The following GRIK4 variants were observed in gnomAD, a reference collection of about 807,000 sequenced individuals.
The protein encoded by GRIK4 is glutamate receptor ionotropic, kainate 4.
In GRIK4, 40 loss-of-function variants were observed where a neutral mutation model predicts 104.9. That is an observed-to-expected ratio of 0.38 (90% confidence interval 0.30 to 0.50). The LOEUF is 0.50. Ranked by LOEUF, GRIK4 falls within the 20% of genes least tolerant of loss-of-function variation. GRIK4 has a pLI of 0.93. For synonymous variants in GRIK4, 485 were observed against 524.9 expected, an observed-to-expected ratio of 0.92 and a Z score of 1.04; for missense variants, 1,047 against 1,308.1, an observed-to-expected ratio of 0.80 and a Z score of 3.08.
chr11:120,773,218 T>G (rs1287448807), intron 3 of GRIK4, among the ~76,000 whole-genome samples: 1 of 152,186 alleles, frequency 6.6e-6, no homozygotes. Context: ...CTAGTCAGCC[T>G]GTGGTCTGAA....
intron 3 of GRIK4, among the ~76,000 whole-genome samples, chr11:120,791,520 G>T (rs1352632286): frequency 1.3e-5 from 2 of 152,166 alleles, no homozygotes; most frequent in Non-Finnish European, 2.9e-5. Context: ...CCTTTATCCA[G>T]CATGTGCTTT....
chr11:120,854,797 A>G (rs1225849389), intron 8 of GRIK4, among the ~76,000 whole-genome samples: 4 of 152,116 alleles, frequency 2.6e-5, no homozygotes, highest in Non-Finnish European at 5.9e-5. Flanking sequence ...TATTTCCCCC[A>G]TTTTAAAATG....
intron 18 of GRIK4, among the ~76,000 whole-genome samples, chr11:120,966,580 C>T (rs1944387969): frequency 6.6e-6 from 1 of 152,158 alleles, no homozygotes; most frequent in Non-Finnish European, 1.5e-5. Context: ...CCATATTGGC[C>T]AGGCTGGTCT....
At chr11:120,881,774 C>A (rs1398267497) in intron 11 of GRIK4, among the ~76,000 whole-genome samples, 1 of 152,196 alleles carries the variant, frequency 6.6e-6, no homozygotes, top group Admixed American at 6.5e-5. Flanking sequence ...AGCTCTGCCC[C>A]CTTTCCGGGG....
rs1380327038 is a variant in GRIK4, at chr11:120,988,716, ACT to A, written c.*2459_*2460del. On this transcript the variant is annotated 3_prime_UTR_variant, in exon 21 of 21. Transcript: ENST00000527524. ...TTTTCCATTCTGTATTTTCTATCTGACTCTGTATACTGTATAAAGCAGTTTTT... is the reference window on the plus strand; with the variant it reads ...TTTTCCATTCTGTATTTTCTATCTGACTGTATACTGTATAAAGCAGTTTTT... 6.6e-6 allele frequency: 1 copy of A among 151,644 alleles called. No homozygotes were observed. Among genetic ancestry groups the A allele is most frequent in the Non-Finnish European group, 1.5e-5 (1 of 67,944 alleles). The allele number at this position is 151,644 out of a possible 1,614,324, so 9.4% of individuals were successfully genotyped here.
intron 3 of GRIK4, among the ~76,000 whole-genome samples, chr11:120,713,306 A>G (rs1410641218): frequency 2.0e-5 from 3 of 152,122 alleles, no homozygotes; most frequent in African/African-American, 7.2e-5. Flanking sequence ...TGACATGCTA[A>G]GCACACCCCC....
chr11:120,556,298 A>G (rs2248539), intron 1 of GRIK4, among the ~76,000 whole-genome samples: 3,454 of 152,170 alleles, frequency 0.023, 136 homozygotes, highest in African/African-American at 0.078. Context: ...TTCTGCCCTC[A>G]AAAATACCCC....
Position 120,956,070 on chromosome 11 carries a change from T to C in GRIK4, c.1701-710T>C, listed in dbSNP as rs975484753. 6.6e-6 allele frequency among the ~76,000 whole-genome samples: 1 copy of C among 152,176 alleles called. No individual in the cohort carries two copies. Among genetic ancestry groups the C allele is most frequent in the Non-Finnish European group, 1.5e-5 (1 of 68,018 alleles). On this transcript the variant is annotated intron_variant, in intron 15 of 20. Transcript: ENST00000527524. The surrounding 1 kb of genome is among the most constrained non-coding windows in gnomAD (Gnocchi z 4.6). The stretch of plus-strand genomic sequence containing the variant: ...AGGCTGGAGGGCCACTGCTCTAGGC[T>C]GAGGGTCTTCAAACCGTGGTTCTAA...
chr11:120,663,266 G>T (rs1016378208), intron 3 of GRIK4, among the ~76,000 whole-genome samples: 6 of 152,174 alleles, frequency 3.9e-5, no homozygotes, highest in African/African-American at 1.4e-4. Context: ...ATCCGGAAGG[G>T]ACTGTAAGGA....
At chr11:120,660,210 TG>T in intron 2 of GRIK4, 58 bp from the exon 3 acceptor site, 1 of 743,556 alleles carries the variant, frequency 1.3e-6, no homozygotes. Context: ...ACTGGGATGG[TG>T]GGGCAGCTGC....
intron 11 of GRIK4, among the ~76,000 whole-genome samples, chr11:120,890,185 A>G (rs1488731191): frequency 6.6e-6 from 1 of 152,178 alleles, no homozygotes; most frequent in Non-Finnish European, 1.5e-5. Context: ...CACGTACATT[A>G]TCTCAGTTGC....
chr11:120,595,302 T>C (rs1275397392), intron 1 of GRIK4, among the ~76,000 whole-genome samples: 1 of 152,284 alleles, frequency 6.6e-6, no homozygotes, highest in Non-Finnish European at 1.5e-5. Flanking sequence ...CAGATTGTTT[T>C]CACATAAAGG....
At chr11:120,698,283 C>A (rs1374312112) in intron 3 of GRIK4, among the ~76,000 whole-genome samples, 1 of 152,200 alleles carries the variant, frequency 6.6e-6, no homozygotes, top group East Asian at 1.9e-4. Context: ...TTGGGCATCA[C>A]TACACATAAC....
At chr11:120,678,217 C>T (rs371236984) in intron 3 of GRIK4, among the ~76,000 whole-genome samples, 16 of 152,340 alleles carry the variant, frequency 1.1e-4, no homozygotes, top group African/African-American at 3.8e-4. Flanking sequence ...AGACCCCACA[C>T]CTCATCCCCC....
intron 4 of GRIK4, among the ~76,000 whole-genome samples, chr11:120,809,555 C>T (rs1349507341): frequency 6.6e-6 from 1 of 152,262 alleles, no homozygotes; most frequent in Non-Finnish European, 1.5e-5. Context: ...TTCCACTGGA[C>T]TCATTTGGGA....
Position 120,940,714 on chromosome 11 carries a change from A to G in GRIK4, c.1590+254A>G, listed in dbSNP as rs949537467. Among the ~76,000 whole-genome samples the G allele has an allele frequency of 1.2e-4, 18 of 152,204 alleles. No individual in the cohort carries two copies. Among genetic ancestry groups the G allele is most frequent in the Non-Finnish European group, 2.4e-4 (16 of 68,036 alleles). On this transcript the variant is annotated intron_variant, in intron 14 of 20. Transcript: ENST00000527524. This position sits in a 1 kb window ranked among gnomAD's most constrained non-coding sequence, Gnocchi z 4.3. Reference sequence around the variant, plus strand: ...AGCGATGACCAAGAATGGTCATTCAATACTTGGTGGATCCTGTGTTGGTGA... The same window carrying G: ...AGCGATGACCAAGAATGGTCATTCAGTACTTGGTGGATCCTGTGTTGGTGA...
rs963635680 is a variant in GRIK4 at position 120,736,901 on chromosome 11, A to G, written c.83-65792A>G. ...ATACCATTTCCCATTGAAAGAAGGC[A>G]GGGCATCTTGGAGAAATGGCTGATC... On this transcript the variant is annotated intron_variant, in intron 3 of 20. Transcript: ENST00000527524. Among the ~76,000 whole-genome samples the G allele has an allele frequency of 5.9e-5, 9 of 152,166 alleles. No individual in the cohort carries two copies. The South Asian group carries it at 1.0e-3, about 18-fold the overall frequency.
At chr11:120,523,441 G>A (rs1177336414) in intron 1 of GRIK4, among the ~76,000 whole-genome samples, 5 of 152,020 alleles carry the variant, frequency 3.3e-5, no homozygotes, top group Admixed American at 6.6e-5. Context: ...TATGTCAAGA[G>A]CTTGACCCTG....
At chr11:120,538,383 A>G (rs898649048) in intron 1 of GRIK4, among the ~76,000 whole-genome samples, 1 of 152,158 alleles carries the variant, frequency 6.6e-6, no homozygotes, top group Non-Finnish European at 1.5e-5. Flanking sequence ...CTGCTCCACC[A>G]AAGTGTCTGA....
Sources: gnomAD v4.1 joint callset for allele counts (sites outside exome capture counted in the v4.1 genomes callset) on GRCh38, gnomAD v4.1.1 for gene constraint, Gnocchi (gnomAD v3.1) non-coding constraint, MANE v1.5 for transcripts, NCBI Gene and HGNC (gene_info 2026-07-23, HGNC 2026-07-21) for gene names.